AFDN: variants seen among roughly 807,000 people sequenced by gnomAD.
AFDN encodes afadin, adherens junction formation factor, also known as afadin.
A neutral mutation model predicts 216.6 loss-of-function variants in AFDN; 68 were observed. That is an observed-to-expected ratio of 0.31 (90% CI 0.26 to 0.38). The LOEUF (loss-of-function observed/expected upper bound fraction) is 0.38, where lower values mean the gene tolerates loss of function less well. AFDN is among the 10% of genes least tolerant of loss of function. The pLI, the probability that AFDN is intolerant of heterozygous loss-of-function variation, is 1.00. For missense variants in AFDN, 2,136 were observed against 2,342.0 expected, an observed-to-expected ratio of 0.91 and a Z score of 1.82; for synonymous variants, 868 against 853.7, an observed-to-expected ratio of 1.02 and a Z score of -0.29.
At chr6:167,950,449 C>G (rs1301243298) in intron 29 of AFDN, among the ~76,000 whole-genome samples, 1 of 152,022 alleles carries the variant, frequency 6.6e-6, no homozygotes, top group Admixed American at 6.6e-5. Context: ...CTCACAGACA[C>G]ACACACACAT....
In AFDN at chr6:167,948,391, G is replaced by T; in HGVS notation, c.3744G>T (p.Arg1248=). Residue 1248 remains arginine (R), a synonymous_variant, in exon 29 of 34, where the codon CGG becomes CGT. Transcript: ENST00000683244. ...TCCCAGCTTCCAAATCCCAGGATCG[G>T]ATGGCTCCTCCTCAGAACCAGTGGC... ...FTFPASKSQD[R]MAPPQNQWPN... is the part of the protein sequence containing the mutation. The T allele has an allele frequency of 1.2e-6, 2 of 1,614,098 alleles. No homozygotes were observed. Among genetic ancestry groups the T allele is most frequent in the Non-Finnish European group, 1.7e-6 (2 of 1,180,026 alleles).
chr6:167,854,678 C>G (rs573458034), intron 1 of AFDN, among the ~76,000 whole-genome samples: 3 of 151,562 alleles, frequency 2.0e-5, no homozygotes, highest in Admixed American at 1.3e-4. Flanking sequence ...TGAAGAACTT[C>G]GTCTTTTCCA....
At chr6:167,965,158 T>C (rs957801367) in intron 31 of AFDN, 27 of 846,996 alleles carry the variant, frequency 3.2e-5, no homozygotes, top group African/African-American at 3.7e-5. Context: ...TTTTTTTTTT[T>C]TTCTTCATTT....
intron 22 of AFDN, among the ~76,000 whole-genome samples, chr6:167,923,682 TG>T (rs1236181794): frequency 2.8e-5 from 4 of 145,444 alleles, no homozygotes; most frequent in Non-Finnish European, 4.5e-5. Flanking sequence ...TGAAATGCAG[TG>T]GCGCGATTTG....
chr6:167,892,593 T>G (rs1787748335), intron 8 of AFDN, among the ~76,000 whole-genome samples: 1 of 152,106 alleles, frequency 6.6e-6, no homozygotes, highest in Non-Finnish European at 1.5e-5. Flanking sequence ...ACAGTTTATT[T>G]TGGTAGATAG....
chr6:167,959,176 G>C (rs1690335013), intron 30 of AFDN, among the ~76,000 whole-genome samples: 1 of 152,190 alleles, frequency 6.6e-6, no homozygotes, highest in African/African-American at 2.4e-5. Context: ...CGTTTCACCA[G>C]CTAAGCTCTA....
intron 15 of AFDN, among the ~76,000 whole-genome samples, chr6:167,912,542 T>A (rs1352338950): frequency 6.6e-6 from 1 of 152,190 alleles, no homozygotes; most frequent in East Asian, 1.9e-4. Context: ...AGGAAATAGG[T>A]AAAAAAGAAA....
At chr6:167,919,837 G>C (rs950213193) in intron 21 of AFDN, among the ~76,000 whole-genome samples, 1 of 152,178 alleles carries the variant, frequency 6.6e-6, no homozygotes, top group Admixed American at 6.5e-5. Context: ...GACTCAAAGT[G>C]TAGGGGTTTG....
chr6:167,911,399 G>A lies in AFDN; in HGVS notation c.1947G>A (p.Gln649=). 2 of 1,614,078 alleles carry A rather than the reference G, an allele frequency of 1.2e-6. No homozygotes were observed. The highest frequency in any genetic ancestry group is 2.2e-5 in the South Asian group (2 of 91,082). ...CATGCCGGTATGTATTGTCCAACCA[G>A]TACAGACCTGACATCAGCCCTACAG... ...YMACRYVLSN[Q]YRPDISPTER... Residue 649 remains glutamine (Q), a synonymous_variant, in exon 15 of 34, where the codon CAG becomes CAA. Transcript: ENST00000683244.
intron 12 of AFDN, among the ~76,000 whole-genome samples, chr6:167,905,310 T>C (rs1283957416): frequency 6.6e-6 from 1 of 152,178 alleles, no homozygotes; most frequent in South Asian, 2.1e-4. Flanking sequence ...TATTGCACTT[T>C]TCTTAAAAAA....
At position 167,951,569 on chromosome 6, in the gene AFDN, G is replaced by A. The variant is rs773812168; in HGVS notation, c.4215G>A (p.Gly1405=). Residue 1405 remains glycine (G), a synonymous_variant, in exon 30 of 34, where the codon GGG becomes GGA. Transcript: ENST00000683244. The surrounding 1 kb of genome is among the most constrained non-coding windows in gnomAD (Gnocchi z 7.1). ...CACCCCCTTCCGCCAACCAGATAGG[G>A]CTGCCGTCTGCGCAGGTGGCTGCTG... ...LPPPPSANQI[G]LPSAQVAAAE... The A allele has an allele frequency of 1.9e-6, 3 of 1,614,004 alleles. No individual in the cohort carries two copies. Among genetic ancestry groups the A allele is most frequent in the Non-Finnish European group, 2.5e-6 (3 of 1,179,986 alleles).
At chr6:167,912,521 T>C (rs1790526931) in intron 15 of AFDN, among the ~76,000 whole-genome samples, 1 of 152,234 alleles carries the variant, frequency 6.6e-6, no homozygotes, top group Admixed American at 6.5e-5. Context: ...TATGCTTCTT[T>C]TACCCAAGTT....
At chr6:167,844,985 G>T (rs1781503284) in intron 1 of AFDN, among the ~76,000 whole-genome samples, 1 of 151,032 alleles carries the variant, frequency 6.6e-6, no homozygotes, top group East Asian at 2.0e-4. Flanking sequence ...TCAGCCTCCT[G>T]AGTAGCTGGG....
rs375274837 is a variant in AFDN at position 167,915,343 on chromosome 6, T to C, written c.2475T>C (p.Ile825=). 96 of 1,614,238 alleles carry C rather than the reference T, an allele frequency of 5.9e-5. No homozygotes were observed. In the African/African-American group the frequency reaches 1.0e-3, roughly 17 times the overall value. The part of the protein sequence containing the change: ...SGLCSHYWGA[I]IRQQLGHIEA... ...TGTGCTCCCATTACTGGGGTGCGAT[T>C]ATCCGTCAGCAGTTGGGCCATATTG... is the stretch of plus-strand genomic sequence containing the variant. Residue 825 remains isoleucine, a synonymous_variant, in exon 19 of 34, where the codon ATT becomes ATC. Transcript: ENST00000683244.
chr6:167,940,851 G>A (rs1262180890), intron 23 of AFDN, among the ~76,000 whole-genome samples: 3 of 57,968 alleles, frequency 5.2e-5, no homozygotes, highest in Non-Finnish European at 9.2e-5. Flanking sequence ...GGATGTAGGG[G>A]TGAGGGTGGA....
intron 4 of AFDN, among the ~76,000 whole-genome samples, chr6:167,874,488 CTG>C (rs1363679179): frequency 6.6e-6 from 1 of 151,920 alleles, no homozygotes; most frequent in Non-Finnish European, 1.5e-5. Flanking sequence ...TTCACAGAAA[CTG>C]TTGGAGCAAT....
At chr6:167,851,263 C>T (rs1271412188) in intron 1 of AFDN, among the ~76,000 whole-genome samples, 1 of 152,164 alleles carries the variant, frequency 6.6e-6, no homozygotes, top group East Asian at 1.9e-4. Flanking sequence ...CACAAACACA[C>T]ACCTTTCTTT....
chr6:167,954,437 TTC>T (rs1491365257), intron 30 of AFDN: 2 of 1,570,856 alleles, frequency 1.3e-6, no homozygotes, highest in Middle Eastern at 1.7e-4. Flanking sequence ...CTTTTTTTTT[TTC>T]TTTCTCTGTT....
Position 167,827,100 on chromosome 6 carries a change from GC to G in AFDN, c.-29del. The stretch of plus-strand genomic sequence containing the variant: ...GTCCTCGGCCCGTCCTCCGGCCCCG[GC>G]CCCGCGCGGCTGAGGAGGCGCGGCC... On this transcript the variant is annotated 5_prime_UTR_variant, in exon 1 of 34. Transcript: ENST00000683244. 1 of 1,183,212 alleles carries G rather than the reference GC, an allele frequency of 8.5e-7. No homozygotes were observed. Among genetic ancestry groups the G allele is most frequent in the Non-Finnish European group, 1.1e-6 (1 of 922,538 alleles). The allele number at this position is 1,183,212 out of a possible 1,614,324, so 73.3% of individuals were successfully genotyped here. A position where few individuals can be genotyped will look rare whatever the true frequency, so the allele number is the denominator to read the frequency against.
Sources: gnomAD v4.1 joint callset for allele counts (sites outside exome capture counted in the v4.1 genomes callset) on GRCh38, gnomAD v4.1.1 for gene constraint, Gnocchi (gnomAD v3.1) non-coding constraint, MANE v1.5 for transcripts, NCBI Gene and HGNC (gene_info 2026-07-23, HGNC 2026-07-21) for gene names.